Variants in RGS22 observed in about 807,000 individuals in gnomAD.
The protein encoded by RGS22 is regulator of G-protein signaling 22.
In RGS22, 148 loss-of-function variants were observed where a neutral mutation model predicts 172.9. The ratio of observed to expected loss-of-function variants is 0.86; its 90% CI spans 0.75 to 0.98. RGS22 has a LOEUF of 0.98. Ranked by LOEUF, RGS22 falls within the 50% of genes least tolerant of loss-of-function variation. RGS22 has a pLI of 0.00. For synonymous variants in RGS22, 458 were observed against 480.2 expected (o/e 0.95, Z 0.60); for missense variants, 1,347 against 1,440.8 (o/e 0.93, Z 1.05).
intron 22 of RGS22, among the ~76,000 whole-genome samples, chr8:99,980,923 C>T (rs1812485932): frequency 6.6e-6 from 1 of 152,154 alleles, no homozygotes; most frequent in African/African-American, 2.4e-5. Flanking sequence ...ATAGCACGTC[C>T]TCAATCATTC....
At chr8:99,969,424 A>G (rs55942622) in intron 23 of RGS22, among the ~76,000 whole-genome samples, 14,620 of 152,226 alleles carry the variant, frequency 0.096, 927 homozygotes, top group African/African-American at 0.18. Context: ...TAAATGCCCC[A>G]ATTAAAAGAC....
chr8:100,053,009 C>G (rs375236281), intron 9 of RGS22, 33 bp from the exon 10 acceptor site: 8 of 1,588,506 alleles, frequency 5.0e-6, no homozygotes, highest in Non-Finnish European at 6.9e-6. Context: ...TAAGATTGAA[C>G]TAAACAACAA....
chr8:100,092,909 T>C (rs1267986143), intron 3 of RGS22, among the ~76,000 whole-genome samples: 9 of 152,208 alleles, frequency 5.9e-5, no homozygotes, highest in African/African-American at 2.2e-4. Context: ...TAAATACAAA[T>C]TCCACTTTAA....
chr8:100,098,917 TTTTATTTTA>T (rs1813243327), intron 2 of RGS22, among the ~76,000 whole-genome samples: 3 of 140,832 alleles, frequency 2.1e-5, no homozygotes, highest in South Asian at 2.2e-4. Context: ...TTTTATTTTA[TTTTATTTTA>T]TTTATTTTTT....
rs576870627 is a variant in RGS22 at position 100,071,698 on chromosome 8, CTAAT to C, written c.426-165_426-162del. ...AATTAATAGCTTATTCATAAAACTA[CTAAT>C]TAGTTAATAATTATTCATTTTAATT... On this transcript the variant is annotated intron_variant, in intron 5 of 27. Transcript: ENST00000360863. Among the ~76,000 whole-genome samples the C allele has an allele frequency of 2.9e-3, 436 of 152,280 alleles. 9 individuals carry two copies. The highest frequency in any genetic ancestry group is 1.7e-3 in the Non-Finnish European group (117 of 68,036).
At chr8:100,028,985 T>C (rs1449105647) in intron 14 of RGS22, among the ~76,000 whole-genome samples, 1 of 152,174 alleles carries the variant, frequency 6.6e-6, no homozygotes, top group Non-Finnish European at 1.5e-5. Context: ...AATTCTCCCC[T>C]TTTCTGGCTT....
chr8:100,028,213 A>G (rs1438055166), intron 14 of RGS22, among the ~76,000 whole-genome samples: 1 of 152,028 alleles, frequency 6.6e-6, no homozygotes, highest in East Asian at 1.9e-4. Context: ...TTCTCAGTAC[A>G]TTTCTTAACC....
chr8:100,007,688 A>G (rs1815871793), intron 15 of RGS22, among the ~76,000 whole-genome samples: 3 of 152,166 alleles, frequency 2.0e-5, no homozygotes, highest in South Asian at 4.1e-4. Context: ...ACAGGAAACC[A>G]AAACTCAGAT....
intron 27 of RGS22, among the ~76,000 whole-genome samples, chr8:99,962,167 A>G (rs373166113): frequency 1.5e-4 from 23 of 152,314 alleles, no homozygotes; most frequent in African/African-American, 5.5e-4. Flanking sequence ...TTTGCAGAAG[A>G]AAACAGACAA....
intron 2 of RGS22, among the ~76,000 whole-genome samples, chr8:100,100,286 TTC>T (rs929487402): frequency 2.4e-4 from 36 of 149,212 alleles, no homozygotes; most frequent in African/African-American, 9.1e-4. Flanking sequence ...TTGTATTTTT[TTC>T]TGATTTTTTT....
At chr8:100,068,436 A>G in intron 6 of RGS22, among the ~76,000 whole-genome samples, 1 of 152,162 alleles carries the variant, frequency 6.6e-6, no homozygotes, top group East Asian at 1.9e-4. Flanking sequence ...TACTCAAGTG[A>G]ATACAAATGA....
At chr8:99,999,546 G>T in intron 18 of RGS22, 126 bp from the exon 19 acceptor site, 1 of 844,926 alleles carries the variant, frequency 1.2e-6, no homozygotes, top group Non-Finnish European at 1.8e-6. Flanking sequence ...TTCATTTTCT[G>T]TATAACATCT....
intron 7 of RGS22, among the ~76,000 whole-genome samples, chr8:100,065,473 C>A (rs1410269004): frequency 1.3e-5 from 2 of 152,176 alleles, no homozygotes; most frequent in Non-Finnish European, 2.9e-5. Flanking sequence ...CCAGATTTAA[C>A]TTCCCCAGAG....
At position 100,063,627 on chromosome 8, in the gene RGS22, CTA is replaced by C. The variant is rs974753380; in HGVS notation, c.1139_1140del (p.Ile380ArgfsTer10). On this transcript the variant is annotated frameshift_variant, in exon 8 of 28. Transcript: ENST00000360863. LOFTEE classifies it high-confidence loss of function. ...VQTTKERSEE[I>X]EQTSLSSKNE... The stretch of plus-strand genomic sequence containing the variant: ...TTCTTTGAACTTAAACTTGTTTGTT[CTA>C]TCTCTTCTGACCTCTCCTTTGTAGT... The C allele has an allele frequency of 6.2e-7, 1 of 1,613,980 alleles. No individual in the cohort carries two copies. The highest frequency in any genetic ancestry group is 8.5e-7 in the Non-Finnish European group (1 of 1,180,010).
intron 2 of RGS22, among the ~76,000 whole-genome samples, chr8:100,096,172 A>G (rs1812950846): frequency 6.6e-6 from 1 of 152,234 alleles, no homozygotes; most frequent in Admixed American, 6.5e-5. Flanking sequence ...AGTCACTCTC[A>G]AAGAGTTTCC....
At chr8:100,064,793 C>T (rs1810422944) in intron 7 of RGS22, among the ~76,000 whole-genome samples, 1 of 152,074 alleles carries the variant, frequency 6.6e-6, no homozygotes, top group African/African-American at 2.4e-5. Flanking sequence ...AATTCACTAC[C>T]ATAGATTGAG....
chr8:99,967,345 T>G, intron 23 of RGS22, among the ~76,000 whole-genome samples: 1 of 151,888 alleles, frequency 6.6e-6, no homozygotes, highest in African/African-American at 2.4e-5. Flanking sequence ...TTTTTTTTTT[T>G]GTACCCCAGT....
chr8:100,042,439 C>A (rs1184859331), intron 11 of RGS22, among the ~76,000 whole-genome samples: 1 of 152,088 alleles, frequency 6.6e-6, no homozygotes, highest in African/African-American at 2.4e-5. Context: ...TACTACATAC[C>A]AAACACTGTG....
intron 9 of RGS22, chr8:100,054,424 C>T (rs1822030461): frequency 6.5e-6 from 1 of 154,070 alleles, no homozygotes; most frequent in African/African-American, 2.4e-5. Flanking sequence ...AAGCTTGTCT[C>T]TACAGAAAAA....
Sources: allele counts gnomAD v4.1 joint callset (sites outside exome capture counted in the v4.1 genomes callset), GRCh38; gene constraint gnomAD v4.1.1; transcripts MANE v1.5; gene names NCBI Gene and HGNC (gene_info 2026-07-23, HGNC 2026-07-21).